Variants in LAMTOR4 observed in about 807,000 individuals in gnomAD.
LAMTOR4 encodes the protein late endosomal/lysosomal adaptor, MAPK and MTOR activator 4, also known as ragulator complex protein LAMTOR4.
LAMTOR4 carries 11 observed loss-of-function variants against 13.5 expected under a neutral mutation model. The observed-to-expected ratio is 0.82, with a 90% CI of 0.51 to 1.35. LAMTOR4 has a LOEUF of 1.35. LAMTOR4 is among the 40% of genes most tolerant of loss of function. LAMTOR4 has a pLI of 0.00. For missense variants in LAMTOR4, 128 were observed against 126.2 expected (o/e 1.01, Z -0.07); for synonymous variants, 69 against 52.3 (o/e 1.32, Z -1.38).
Position 100,149,503 on chromosome 7 carries a change from C to T in LAMTOR4, c.8C>T (p.Ser3Phe). 6.2e-7 allele frequency: 1 copy of T among 1,612,530 alleles called. No individual in the cohort carries two copies. The highest frequency in any genetic ancestry group is 8.5e-7 in the Non-Finnish European group (1 of 1,178,596). MT[S>F]ALTQGLERIP... ...ACTTGCATCTTTACCCACTAGACTT[C>T]TGCGCTGACCCAGGGGCTGGAGCGA... Residue 3 changes from serine (S) to phenylalanine (F), a missense_variant, in exon 2 of 4, where the codon TCT (serine) becomes TTT (phenylalanine). Ser to Phe is a radical substitution (Grantham distance 155, BLOSUM62 -2). Coordinates refer to ENST00000341942, the MANE Select transcript of LAMTOR4 (RefSeq NM_001008395.4).
At chr7:100,150,594 G>A (rs1015589059) in intron 2 of LAMTOR4, among the ~76,000 whole-genome samples, 14 of 152,204 alleles carry the variant, frequency 9.2e-5, no homozygotes, top group South Asian at 4.1e-4. Flanking sequence ...AGGTAATACA[G>A]TTTGAAAGGT....
At chr7:100,149,406 T>A in intron 1 of LAMTOR4, 93 bp from the exon 2 acceptor site, 1 of 867,504 alleles carries the variant, frequency 1.2e-6, no homozygotes, top group Non-Finnish European at 2.0e-6. Flanking sequence ...CCTGGGGCCA[T>A]CGTCAACCCA....
chr7:100,149,968 G>A (rs1161754739), intron 2 of LAMTOR4: 1 of 161,376 alleles, frequency 6.2e-6, no homozygotes, highest in Non-Finnish European at 1.4e-5. Flanking sequence ...GTAGAAACGG[G>A]GTTTCACCGT....
At position 100,149,250 on chromosome 7, in the gene LAMTOR4, C is replaced by T. The variant is rs1299513933; in HGVS notation, c.4-249C>T. On this transcript the variant is annotated intron_variant, in intron 1 of 3. Transcript: ENST00000341942. ...GCAGGGGCCAGTGGGGCAGCAAAGG[C>T]CCCTTGGGGTAGCAAAGGTGGGATG... 4 of 605,506 alleles carry T rather than the reference C, an allele frequency of 6.6e-6. No individual in the cohort carries two copies. The African/African-American group carries it at 7.4e-5, about 11-fold the overall frequency. The allele number at this position is 605,506 out of a possible 1,614,324, so 37.5% of individuals were successfully genotyped here.
intron 3 of LAMTOR4, 21 bp downstream of exon 3, chr7:100,153,538 TTGG>T (rs1237458119): frequency 6.3e-7 from 1 of 1,590,308 alleles, no homozygotes; most frequent in African/African-American, 1.3e-5. Flanking sequence ...GCCCCTGCCC[TTGG>T]TGGTGGTACT....
intron 1 of LAMTOR4, 132 bp from the exon 2 acceptor site, chr7:100,149,367 G>A (rs1424827719): frequency 2.8e-6 from 2 of 716,064 alleles, no homozygotes; most frequent in Admixed American, 3.9e-5. Flanking sequence ...GAGGGGGCCG[G>A]GAAGGGACCT....
intron 3 of LAMTOR4, 91 bp downstream of exon 3, chr7:100,153,608 C>A: frequency 8.6e-7 from 1 of 1,159,280 alleles, no homozygotes; most frequent in Non-Finnish European, 1.3e-6. Flanking sequence ...AGCCTCCTAC[C>A]ATCTCCTGGG....
intron 2 of LAMTOR4, among the ~76,000 whole-genome samples, chr7:100,153,143 CAAAAA>C (rs1798757060): frequency 7.4e-6 from 1 of 135,098 alleles, no homozygotes; most frequent in Non-Finnish European, 1.6e-5. Flanking sequence ...GATTCCGTCT[CAAAAA>C]AGAAAAAAAA....
rs764890936 is a variant in LAMTOR4 at position 100,153,919 on chromosome 7, T to C, written c.255T>C (p.Phe85=). The change falls in exon 4 of 4, where the codon TTT becomes TTC. Residue 85 remains phenylalanine, a synonymous_variant. Coordinates refer to ENST00000341942, the MANE Select transcript of LAMTOR4 (RefSeq NM_001008395.4). ...TGACGGTGTCAGGACAGAGGGTGTT[T>C]GTGGTGAAGAGGCAGAACCGAGGTC... is the stretch of plus-strand genomic sequence containing the variant. ...LLVTVSGQRV[F]VVKRQNRGRE... 5.0e-6 allele frequency: 8 copies of C among 1,596,316 alleles called. No individual in the cohort carries two copies. Among genetic ancestry groups the C allele is most frequent in the Non-Finnish European group, 6.8e-6 (8 of 1,172,282 alleles).
intron 1 of LAMTOR4, 101 bp downstream of exon 1, chr7:100,149,076 C>T: frequency 7.1e-7 from 1 of 1,410,546 alleles, no homozygotes; most frequent in South Asian, 1.3e-5. Flanking sequence ...TCCACCCTCA[C>T]CTCCTATCCG....
At position 100,153,500 on chromosome 7, in the gene LAMTOR4, C is replaced by T. The variant is rs770925024; in HGVS notation, c.185C>T (p.Pro62Leu). The T allele has an allele frequency of 3.7e-6, 6 of 1,607,336 alleles. No homozygotes were observed. Among genetic ancestry groups the T allele is most frequent in the Non-Finnish European group, 5.1e-6 (6 of 1,179,964 alleles). Reference sequence around the variant, plus strand: ...CGGCTGCACCGCGGCATGAATGTGCCCTTCAAGCGCCTGTCTGGTGAGCCC... The same window carrying T: ...CGGCTGCACCGCGGCATGAATGTGCTCTTCAAGCGCCTGTCTGGTGAGCCC... ...GFRLHRGMNV[P>L]FKRLSVVFGE... The change falls in exon 3 of 4, where the codon CCC (proline) becomes CTC (leucine). Residue 62 changes from proline to leucine, a missense_variant. Physicochemically the swap from Pro to Leu is moderately conservative, Grantham distance 98. Transcript: ENST00000341942.
intron 2 of LAMTOR4, among the ~76,000 whole-genome samples, chr7:100,152,078 T>C (rs964405659): frequency 6.6e-6 from 1 of 152,204 alleles, no homozygotes; most frequent in African/African-American, 2.4e-5. Context: ...GAAATATTTC[T>C]GTAGCCAGAA....
chr7:100,149,582 G>T lies in LAMTOR4; in HGVS notation c.84+3G>T, dbSNP rs1330569834. 1.2e-6 allele frequency: 2 copies of T among 1,613,152 alleles called. No individual in the cohort carries two copies. Among genetic ancestry groups the T allele is most frequent in the African/African-American group, 2.7e-5 (2 of 74,896 alleles). The stretch of plus-strand genomic sequence containing the variant: ...TGAGTGAAGGTGCAGTGCTGGCGGT[G>T]CGTTCTGGGAAAGGGAGGGGGTCCC... On this transcript the variant is annotated splice_donor_region_variant and intron_variant, in intron 2 of 3. Transcript: ENST00000341942.
intron 2 of LAMTOR4, 186 bp downstream of exon 2, chr7:100,149,765 G>A (rs1798642815): frequency 2.0e-6 from 1 of 502,630 alleles, no homozygotes; most frequent in Non-Finnish European, 3.6e-6. Flanking sequence ...GTCTCCTAAC[G>A]GCTGCGATTT....
intron 2 of LAMTOR4, among the ~76,000 whole-genome samples, chr7:100,151,161 G>A (rs1215845424): frequency 5.3e-5 from 8 of 151,274 alleles, no homozygotes; most frequent in Middle Eastern, 3.2e-3. Flanking sequence ...TGCAACCTCC[G>A]TCTTCCGGGT....
chr7:100,149,243 G>A, intron 1 of LAMTOR4: 1 of 605,812 alleles, frequency 1.7e-6, no homozygotes, highest in Non-Finnish European at 2.9e-6. Flanking sequence ...CAGTGGGGCA[G>A]CAAAGGCCCC....
chr7:100,151,759 C>T (rs1040619671), intron 2 of LAMTOR4, among the ~76,000 whole-genome samples: 3 of 151,102 alleles, frequency 2.0e-5, no homozygotes, highest in Non-Finnish European at 2.9e-5. Flanking sequence ...GCAGTGGTAA[C>T]GATCACATCT....
At chr7:100,149,020 G>A (rs752230538) in intron 1 of LAMTOR4, 45 bp downstream of exon 1, 3 of 1,599,130 alleles carry the variant, frequency 1.9e-6, no homozygotes, top group Non-Finnish European at 2.6e-6. Flanking sequence ...GGGGTTCAGC[G>A]TCTCTGCTCC....
intron 2 of LAMTOR4, among the ~76,000 whole-genome samples, chr7:100,153,150 GA>G (rs371476464): frequency 0.065 from 7,487 of 114,386 alleles, 168 homozygotes; most frequent in Middle Eastern, 0.1. Context: ...TCTCAAAAAA[GA>G]AAAAAAAAAA....
Sources: gnomAD v4.1 joint callset for allele counts (sites outside exome capture counted in the v4.1 genomes callset) on GRCh38, gnomAD v4.1.1 for gene constraint, MANE v1.5 for transcripts, NCBI Gene and HGNC (gene_info 2026-07-23, HGNC 2026-07-21) for gene names.